The following MARK2 variants were observed in gnomAD, a reference collection of about 807,000 sequenced individuals.
The protein encoded by MARK2 is microtubule affinity regulating kinase 2.
A neutral mutation model predicts 89.8 loss-of-function variants in MARK2; 16 were observed. The ratio of observed to expected loss-of-function variants is 0.18; its 90% CI spans 0.12 to 0.27. The LOEUF is 0.27. Among genes scored for constraint, MARK2 ranks in the 10% least tolerant of loss-of-function variants. The pLI is 1.00. For missense variants in MARK2, 621 were observed against 1,049.9 expected (o/e 0.59, Z 5.65); for synonymous variants, 382 against 399.5 (o/e 0.96, Z 0.52).
intron 1 of MARK2, among the ~76,000 whole-genome samples, chr11:63,862,960 C>A (rs887377263): frequency 2.6e-5 from 4 of 152,196 alleles, no homozygotes; most frequent in Admixed American, 1.3e-4. Context: ...TTCTCTCTTA[C>A]AACCGTCTGT....
intron 1 of MARK2, among the ~76,000 whole-genome samples, chr11:63,859,946 TAATG>T (rs1173134120): frequency 1.3e-5 from 2 of 152,184 alleles, no homozygotes; most frequent in African/African-American, 2.4e-5. Context: ...CCTTGTTTCT[TAATG>T]AAACATACCT....
At chr11:63,853,424 T>C (rs1450538834) in intron 1 of MARK2, among the ~76,000 whole-genome samples, 4 of 151,472 alleles carry the variant, frequency 2.6e-5, no homozygotes, top group Admixed American at 6.6e-5. Flanking sequence ...GCTGCACACA[T>C]GAAGACCAAG....
At chr11:63,875,744 T>C (rs1029506798) in intron 1 of MARK2, among the ~76,000 whole-genome samples, 3 of 152,176 alleles carry the variant, frequency 2.0e-5, no homozygotes, top group East Asian at 1.9e-4. Flanking sequence ...TGACCTGTTA[T>C]GTTGTGTGAA....
At chr11:63,870,627 C>T (rs957148054) in intron 1 of MARK2, among the ~76,000 whole-genome samples, 2 of 152,196 alleles carry the variant, frequency 1.3e-5, no homozygotes, top group Non-Finnish European at 2.9e-5. Flanking sequence ...TGCTCTCAGT[C>T]TGTGTAATAG....
intron 1 of MARK2, among the ~76,000 whole-genome samples, chr11:63,871,678 T>A (rs1224492142): frequency 2.8e-4 from 32 of 113,478 alleles, no homozygotes; most frequent in African/African-American, 8.3e-4. Context: ...GAGTATTCAC[T>A]GTGTGCAGGT....
intron 3 of MARK2, among the ~76,000 whole-genome samples, chr11:63,896,728 G>A (rs138778150): frequency 4.6e-5 from 7 of 152,230 alleles, no homozygotes; most frequent in Non-Finnish European, 8.8e-5. Context: ...TAGAAACATT[G>A]TTGTCATCAT....
chr11:63,906,002 C>A (rs1329512014), intron 16 of MARK2, 86 bp from the exon 17 acceptor site: 1 of 1,162,210 alleles, frequency 8.6e-7, no homozygotes, highest in Admixed American at 3.5e-5. Context: ...AAAGCCACCT[C>A]CCCCACCTGC....
Position 63,904,257 on chromosome 11 carries a change from T to C in MARK2, c.1676+110T>C. 1 of 998,550 alleles carries C rather than the reference T, an allele frequency of 1.0e-6. No individual in the cohort carries two copies. Among genetic ancestry groups the C allele is most frequent in the South Asian group, 1.7e-5 (1 of 59,984 alleles). 61.9% of individuals were successfully genotyped at this position (998,550 alleles called of 1,614,324 possible). Reference sequence around the variant, plus strand: ...GGGTCCTGCTGTGTTCTTGTCATCTTAGCCACAAGAAATGGGTCTGTCCCC... The same window carrying C: ...GGGTCCTGCTGTGTTCTTGTCATCTCAGCCACAAGAAATGGGTCTGTCCCC... On this transcript the variant is annotated intron_variant, in intron 15 of 18. Coordinates refer to ENST00000402010, the MANE Select transcript of MARK2 (RefSeq NM_001039469.3). The surrounding 1 kb of genome is among the most constrained non-coding windows in gnomAD (Gnocchi z 6.3).
chr11:63,898,385 T>C, intron 4 of MARK2, 105 bp downstream of exon 4: 2 of 1,144,328 alleles, frequency 1.7e-6, no homozygotes, highest in South Asian at 2.5e-5. Flanking sequence ...GTCTGCAGTC[T>C]TCAAGGATAC....
At chr11:63,870,746 A>T (rs75180348) in intron 1 of MARK2, among the ~76,000 whole-genome samples, 2,467 of 152,342 alleles carry the variant, frequency 0.016, 42 homozygotes, top group Non-Finnish European at 0.024. Context: ...CTGTGAAGTG[A>T]TGCAGGGATC....
intron 17 of MARK2, among the ~76,000 whole-genome samples, 188 bp downstream of exon 17, chr11:63,906,302 C>A (rs960307238): frequency 1.3e-5 from 2 of 152,172 alleles, no homozygotes; most frequent in African/African-American, 4.8e-5. Flanking sequence ...CAGCACAAGG[C>A]CTGCCCTCCG....
intron 16 of MARK2, among the ~76,000 whole-genome samples, chr11:63,905,563 T>C (rs1439390620): frequency 1.3e-5 from 2 of 152,250 alleles, no homozygotes; most frequent in African/African-American, 2.4e-5. Flanking sequence ...ATGAAATCAC[T>C]GGCGAGGGCC....
At position 63,909,500 on chromosome 11, in the gene MARK2, G is replaced by T. The variant is rs531271423; in HGVS notation, c.*263G>T. 2 of 367,078 alleles carry T rather than the reference G, an allele frequency of 5.4e-6. No individual in the cohort carries two copies. The highest frequency in any genetic ancestry group is 4.9e-6 in the Non-Finnish European group (1 of 204,050). 22.7% of individuals were successfully genotyped at this position (367,078 alleles called of 1,614,324 possible). On this transcript the variant is annotated 3_prime_UTR_variant, in exon 19 of 19. Transcript: ENST00000402010. ...GAGGCAAAGGAAGGGGAGGGTGGAT[G>T]GGGGGGCAGGGCTCCCCCTCGGTAC...
chr11:63,906,038 TTTTTTTTATTTC>T (rs1251678494), intron 16 of MARK2, 38 bp from the exon 17 acceptor site: 4 of 1,352,382 alleles, frequency 3.0e-6, no homozygotes, highest in African/African-American at 1.5e-5. Flanking sequence ...CTTGTTGGTT[TTTTTTTTATTTC>T]TTTTTTTATT....
chr11:63,908,669 C>T (rs1443971669), intron 18 of MARK2, among the ~76,000 whole-genome samples: 1 of 152,188 alleles, frequency 6.6e-6, no homozygotes, highest in Admixed American at 6.5e-5. Context: ...CCGCCTACCC[C>T]AAGGCTGGCT....
At position 63,905,841 on chromosome 11, in the gene MARK2, C is replaced by G. The variant is rs540489807; in HGVS notation, c.1935-247C>G. On this transcript the variant is annotated intron_variant, in intron 16 of 18. Coordinates refer to ENST00000402010, the MANE Select transcript of MARK2 (RefSeq NM_001039469.3). Reference sequence around the variant, plus strand: ...TCGCCTGCCCTTCCTCTACGTTTCACTCCACTCTGCTGGAGGAGCCAAAGC... The same window carrying G: ...TCGCCTGCCCTTCCTCTACGTTTCAGTCCACTCTGCTGGAGGAGCCAAAGC... Among the ~76,000 whole-genome samples the G allele has an allele frequency of 1.7e-3, 253 of 152,294 alleles. No individual in the cohort carries two copies. Among genetic ancestry groups the G allele is most frequent in the Non-Finnish European group, 3.0e-3 (205 of 68,014 alleles).
At chr11:63,888,384 C>A in intron 1 of MARK2, 1 of 261,748 alleles carries the variant, frequency 3.8e-6, no homozygotes, top group Non-Finnish European at 5.9e-6. Context: ...CACAGGTGAG[C>A]TAGGGTTTTA....
At chr11:63,901,386 T>C (rs945236890) in intron 11 of MARK2, among the ~76,000 whole-genome samples, 1 of 151,436 alleles carries the variant, frequency 6.6e-6, no homozygotes, top group Admixed American at 6.6e-5. Flanking sequence ...TAGATATCTT[T>C]GTGTCTCTTT....
chr11:63,840,959 C>G (rs1165389017), intron 1 of MARK2, among the ~76,000 whole-genome samples: 2 of 152,222 alleles, frequency 1.3e-5, no homozygotes, highest in South Asian at 2.1e-4. Context: ...CCCTTTCTTT[C>G]ACCATCTCTA....
Sources: gnomAD v4.1 joint callset for allele counts (sites outside exome capture counted in the v4.1 genomes callset) on GRCh38, gnomAD v4.1.1 for gene constraint, Gnocchi (gnomAD v3.1) non-coding constraint, MANE v1.5 for transcripts, NCBI Gene and HGNC (gene_info 2026-07-23, HGNC 2026-07-21) for gene names.